ZNF184: variants seen among roughly 807,000 people sequenced by gnomAD.
ZNF184 encodes zinc finger protein 184 (Kruppel-like).
A neutral mutation model predicts 54.4 loss-of-function variants in ZNF184; 16 were observed. The observed-to-expected ratio is 0.29, with a 90% CI of 0.20 to 0.45. ZNF184 has a LOEUF of 0.45. Among genes scored for constraint, ZNF184 ranks in the 20% least tolerant of loss-of-function variants. The probability of loss-of-function intolerance (pLI) is 1.00; values close to 1 mark genes in which losing one functional copy is unlikely to be tolerated. For synonymous variants in ZNF184, 254 were observed against 295.3 expected (o/e 0.86, Z 1.43); for missense variants, 681 against 888.2 (o/e 0.77, Z 2.97).
chr6:27,446,545 G>C (rs944718456), downstream of ZNF184, among the ~76,000 whole-genome samples: 6 of 152,226 alleles, frequency 3.9e-5, no homozygotes, highest in Admixed American at 2.6e-4. Context: ...GAATTGTGCA[G>C]GGACACAGCC....
downstream of ZNF184, among the ~76,000 whole-genome samples, chr6:27,446,306 A>C (rs749445318): frequency 9.9e-5 from 15 of 152,218 alleles, no homozygotes; most frequent in Non-Finnish European, 1.3e-4. Flanking sequence ...CTCAGCTCAG[A>C]GCTGCCTCAG....
the ZNF184 span, among the ~76,000 whole-genome samples, chr6:27,415,384 A>G: frequency 6.6e-6 from 1 of 152,216 alleles, no homozygotes; most frequent in Non-Finnish European, 1.5e-5. Context: ...ACCTTCTGTA[A>G]TTATATTTCT....
In ZNF184 at chr6:27,451,527, C is replaced by G. The variant is rs1339634461; in HGVS notation, c.2032G>C (p.Ala678Pro). 6.2e-7 allele frequency: 1 copy of G among 1,614,106 alleles called. No homozygotes were observed. The highest frequency in any genetic ancestry group is 2.2e-5 in the East Asian group (1 of 44,886). The change falls in exon 6 of 6, where the codon GCC becomes CCC. Residue 678 changes from alanine (A) to proline (P), a missense_variant. Ala to Pro is a conservative substitution (Grantham distance 27). Transcript: ENST00000683788. ...GTCAGATGAGTGCTCCGGCTAAAGG[C>G]TTTGTCACATTCATTGCACTTATAG... Reference protein sequence around the residue: ...KPYKCNECDKAFSRSTHLTEH... With the variant: ...KPYKCNECDKPFSRSTHLTEH...
the ZNF184 span, among the ~76,000 whole-genome samples, chr6:27,423,861 TTC>T: frequency 6.6e-6 from 1 of 152,268 alleles, no homozygotes; most frequent in Non-Finnish European, 1.5e-5. Context: ...TAATTTTGAA[TTC>T]TTATACCACG....
downstream of ZNF184, among the ~76,000 whole-genome samples, chr6:27,448,463 A>T (rs1380274496): frequency 6.6e-6 from 1 of 152,160 alleles, no homozygotes; most frequent in African/African-American, 2.4e-5. Flanking sequence ...AAACAATTCA[A>T]ATCTGTGCCC....
the ZNF184 span, among the ~76,000 whole-genome samples, chr6:27,421,386 C>A: frequency 2.0e-5 from 3 of 152,218 alleles, no homozygotes; most frequent in South Asian, 6.2e-4. Flanking sequence ...GAACCTAAAA[C>A]TGCTATAAAA....
rs529263345 is a variant in ZNF184, at chr6:27,459,870, T to G, written c.76-2461A>C. 2.0e-5 allele frequency among the ~76,000 whole-genome samples: 3 copies of G among 152,306 alleles called. No homozygotes were observed. The East Asian group carries it at 5.8e-4, about 29-fold the overall frequency. Reference sequence around the variant, plus strand: ...ATCTATACGTACTCATTAGAAAATATGTACACAAGAGGACAGGCATGGTGG... The same window carrying G: ...ATCTATACGTACTCATTAGAAAATAGGTACACAAGAGGACAGGCATGGTGG... On this transcript the variant is annotated intron_variant, in intron 3 of 5. Coordinates refer to ENST00000683788, the MANE Select transcript of ZNF184 (RefSeq NM_001318891.2).
chr6:27,424,035 C>G, the ZNF184 span, among the ~76,000 whole-genome samples: 1 of 152,118 alleles, frequency 6.6e-6, no homozygotes, highest in Non-Finnish European at 1.5e-5. Context: ...CGAACCCTCG[C>G]GGTGAGCGTT....
downstream of ZNF184, among the ~76,000 whole-genome samples, chr6:27,447,725 C>A (rs1448705808): frequency 3.3e-5 from 5 of 151,986 alleles, no homozygotes; most frequent in Non-Finnish European, 5.9e-5. Context: ...AAAAAACAAA[C>A]AAAAAAACAA....
chr6:27,407,425 G>A, the ZNF184 span, among the ~76,000 whole-genome samples: 2 of 152,100 alleles, frequency 1.3e-5, no homozygotes, highest in South Asian at 2.1e-4. Context: ...GCTGGTTCCC[G>A]GCTCCCCCTG....
chr6:27,451,140 A>T lies in ZNF184; in HGVS notation c.*163T>A. 1.4e-6 allele frequency: 1 copy of T among 733,556 alleles called. No individual in the cohort carries two copies. The highest frequency in any genetic ancestry group is 2.8e-5 in the East Asian group (1 of 35,134). 45.4% of individuals were successfully genotyped at this position (733,556 alleles called of 1,614,324 possible). A position where few individuals can be genotyped will look rare whatever the true frequency, so the allele number is the denominator to read the frequency against. ...TAATGTCACAGAGTGGCTTAATAAC[A>T]ATTGGATTAGTTCAGCCCAATGTAC... On this transcript the variant is annotated 3_prime_UTR_variant, in exon 6 of 6. Transcript: ENST00000683788.
chr6:27,442,880 A>AAGAAAAAAAGAAAG, the ZNF184 span, among the ~76,000 whole-genome samples: 3 of 86,174 alleles, frequency 3.5e-5, no homozygotes, highest in African/African-American at 4.2e-5. Flanking sequence ...GAAAGAAAGA[A>AAGAAAAAAAGAAAG]AAAGAAAAAA....
At chr6:27,447,072 CAAAA>C (rs1321698681), downstream of ZNF184, among the ~76,000 whole-genome samples, 4 of 32,008 alleles carry the variant, frequency 1.2e-4, no homozygotes, top group Non-Finnish European at 3.5e-4. Context: ...CCACTGCAAT[CAAAA>C]AAAAAAAAAA....
the ZNF184 span, among the ~76,000 whole-genome samples, chr6:27,422,157 A>AAAGAAAGAAAGG: frequency 3.1e-5 from 1 of 32,760 alleles, no homozygotes; most frequent in East Asian, 8.6e-4. Flanking sequence ...AAAAAGAAAG[A>AAAGAAAGAAAGG]AAGAAAGAAA....
the ZNF184 span, among the ~76,000 whole-genome samples, chr6:27,442,669 AAGAGAGAGAAAGAAAGAAAG>A: frequency 3.8e-4 from 55 of 144,206 alleles, no homozygotes; most frequent in Middle Eastern, 3.5e-3. Context: ...GCAAGCAAGA[AAGAGAGAGAAAGAAAGAAAG>A]AGAGAGAGAA....
the ZNF184 span, among the ~76,000 whole-genome samples, chr6:27,409,923 T>A: frequency 6.6e-6 from 1 of 152,216 alleles, no homozygotes; most frequent in African/African-American, 2.4e-5. Context: ...TGTGCCATTT[T>A]AAAATGTTTT....
the ZNF184 span, among the ~76,000 whole-genome samples, chr6:27,430,850 C>T: frequency 1.1e-4 from 17 of 152,314 alleles, no homozygotes; most frequent in South Asian, 8.3e-4. Flanking sequence ...GCTAAAAGTT[C>T]GCGTCCCACT....
At chr6:27,457,473 C>T in intron 3 of ZNF184, 64 bp from the exon 4 acceptor site, 1 of 1,568,414 alleles carries the variant, frequency 6.4e-7, no homozygotes, top group South Asian at 1.2e-5. Flanking sequence ...GTAAAGTTAG[C>T]AATACTGACA....
chr6:27,423,393 G>A, the ZNF184 span, among the ~76,000 whole-genome samples: 8 of 151,516 alleles, frequency 5.3e-5, no homozygotes, highest in Non-Finnish European at 1.0e-4. Context: ...TCCTTTTTTT[G>A]TTAGATTTTA....
Sources: gnomAD v4.1 joint callset for allele counts (sites outside exome capture counted in the v4.1 genomes callset) on GRCh38, gnomAD v4.1.1 for gene constraint, MANE v1.5 for transcripts, NCBI Gene and HGNC (gene_info 2026-07-23, HGNC 2026-07-21) for gene names.